The following AKAP6 variants were observed in gnomAD, a reference collection of about 807,000 sequenced individuals.
AKAP6 encodes the protein A-kinase anchoring protein 6.
Under a neutral mutation model 188.5 loss-of-function variants are expected in AKAP6, and 58 were observed. The observed-to-expected ratio is 0.31, with a 90% CI of 0.25 to 0.38. The LOEUF (loss-of-function observed/expected upper bound fraction) is 0.38. Ranked by LOEUF, AKAP6 falls within the 10% of genes least tolerant of loss-of-function variation. The pLI is 1.00. For missense variants in AKAP6, 2,710 were observed against 2,740.0 expected, an observed-to-expected ratio of 0.99 and a Z score of 0.24; for synonymous variants, 989 against 998.6, an observed-to-expected ratio of 0.99 and a Z score of 0.18.
Position 32,824,059 on chromosome 14 carries a change from T to A in AKAP6, c.6246T>A (p.Ala2082=). The A allele has an allele frequency of 6.2e-7, 1 of 1,613,938 alleles. No individual in the cohort carries two copies. The highest frequency in any genetic ancestry group is 8.5e-7 in the Non-Finnish European group (1 of 1,179,930). ...KSKSQPENEV[A]APTSLTQIKE... Reference sequence around the variant, plus strand: ...AATCTCAACCTGAAAACGAGGTGGCTGCTCCTACTTCATTAACTCAAATCA... The same window carrying A: ...AATCTCAACCTGAAAACGAGGTGGCAGCTCCTACTTCATTAACTCAAATCA... Residue 2082 remains alanine (A), a synonymous_variant, in exon 13 of 14, where the codon GCT becomes GCA. Transcript: ENST00000280979.
chr14:32,392,592 G>A (rs1193481395), intron 1 of AKAP6, among the ~76,000 whole-genome samples: 1 of 152,114 alleles, frequency 6.6e-6, no homozygotes, highest in African/African-American at 2.4e-5. Context: ...CAAATAAAGG[G>A]AACTTTAGCT....
intron 12 of AKAP6, among the ~76,000 whole-genome samples, chr14:32,811,617 TGATA>T (rs2034237421): frequency 6.6e-6 from 1 of 152,198 alleles, no homozygotes; most frequent in Non-Finnish European, 1.5e-5. Flanking sequence ...GTATGGGATC[TGATA>T]CTAACTCCAG....
intron 12 of AKAP6, among the ~76,000 whole-genome samples, chr14:32,793,244 G>A (rs535733216): frequency 6.6e-6 from 1 of 152,156 alleles, no homozygotes; most frequent in South Asian, 2.1e-4. Flanking sequence ...TGGATAAAGA[G>A]CCAAGACCCA....
intron 7 of AKAP6, among the ~76,000 whole-genome samples, chr14:32,605,386 T>G (rs972513877): frequency 6.6e-6 from 1 of 152,070 alleles, no homozygotes; most frequent in Non-Finnish European, 1.5e-5. Context: ...GTGTAAAAAC[T>G]GTGGTGTGGC....
chr14:32,565,051 T>G (rs574477452), intron 4 of AKAP6, among the ~76,000 whole-genome samples: 1 of 152,250 alleles, frequency 6.6e-6, no homozygotes, highest in South Asian at 2.1e-4. Flanking sequence ...GTGCATTGCA[T>G]TCTTGGGCCT....
At chr14:32,701,709 CTG>C (rs1419787580) in intron 9 of AKAP6, among the ~76,000 whole-genome samples, 3 of 152,072 alleles carry the variant, frequency 2.0e-5, no homozygotes, top group Admixed American at 2.0e-4. Context: ...CACACTATTC[CTG>C]TATTTCATAA....
chr14:32,699,444 A>G (rs1481746241), intron 9 of AKAP6, among the ~76,000 whole-genome samples: 1 of 152,240 alleles, frequency 6.6e-6, no homozygotes, highest in African/African-American at 2.4e-5. Context: ...GCAATGGGCT[A>G]TAAAGTGGAC....
At position 32,545,224 on chromosome 14, in the gene AKAP6, T is replaced by TG; in HGVS notation, c.577-6_577-5insG. 6.2e-7 allele frequency: 1 copy of TG among 1,609,986 alleles called. No homozygotes were observed. The highest frequency in any genetic ancestry group is 8.5e-7 in the Non-Finnish European group (1 of 1,176,970). On this transcript the variant is annotated splice_region_variant and splice_polypyrimidine_tract_variant and intron_variant, in intron 3 of 13. Coordinates refer to ENST00000280979, the MANE Select transcript of AKAP6 (RefSeq NM_004274.5). The stretch of plus-strand genomic sequence containing the variant: ...TTACTGAAACCATTGCCATTGTCTG[T>TG]TTCAGGGCCGGCTTGATTCTCTAAC...
At chr14:32,402,521 G>A (rs891918794) in intron 1 of AKAP6, among the ~76,000 whole-genome samples, 1 of 152,184 alleles carries the variant, frequency 6.6e-6, no homozygotes, top group Admixed American at 6.5e-5. Flanking sequence ...CTCTTTTGAA[G>A]CCTTGCCTGA....
intron 2 of AKAP6, chr14:32,442,562 A>G (rs1261892061): frequency 6.6e-6 from 1 of 151,976 alleles, no homozygotes. Flanking sequence ...CAAAACTCCC[A>G]TGCTGATCAG....
At chr14:32,563,398 G>A (rs1475223006) in intron 4 of AKAP6, among the ~76,000 whole-genome samples, 2 of 152,140 alleles carry the variant, frequency 1.3e-5, no homozygotes, top group African/African-American at 4.8e-5. Flanking sequence ...CTTAAAATGT[G>A]TAAAGAGCTC....
chr14:32,374,847 A>T (rs1951684), intron 1 of AKAP6, among the ~76,000 whole-genome samples: 141,096 of 152,278 alleles, frequency 0.93, 65,718 homozygotes, highest in East Asian at 1. Flanking sequence ...ACGTTTCAGT[A>T]CATTCCTCTC....
At position 32,643,152 on chromosome 14, in the gene AKAP6, G is replaced by A. The variant is rs985722312; in HGVS notation, c.2731-35159G>A. ...CTATTAATCATTGTGTTGTCCTAAT[G>A]GATGACTGAAATCTTCTAGCCCTGA... On this transcript the variant is annotated intron_variant, in intron 7 of 13. Coordinates refer to ENST00000280979, the MANE Select transcript of AKAP6 (RefSeq NM_004274.5). 2.0e-5 allele frequency among the ~76,000 whole-genome samples: 3 copies of A among 152,166 alleles called. No individual in the cohort carries two copies. The South Asian group carries it at 6.2e-4, about 32-fold the overall frequency.
intron 2 of AKAP6, among the ~76,000 whole-genome samples, chr14:32,476,571 T>A (rs1398337051): frequency 2.0e-5 from 3 of 152,252 alleles, no homozygotes; most frequent in Non-Finnish European, 4.4e-5. Context: ...GAATTTTATC[T>A]AGTCATATTT....
intron 12 of AKAP6, among the ~76,000 whole-genome samples, chr14:32,799,893 C>T (rs77967601): frequency 0.015 from 2,238 of 151,710 alleles, 50 homozygotes; most frequent in African/African-American, 0.046. Context: ...GATCTATCAC[C>T]TACCAAAAGA....
intron 8 of AKAP6, among the ~76,000 whole-genome samples, chr14:32,685,101 A>C (rs7493252): frequency 1.7e-5 from 2 of 120,990 alleles, no homozygotes; most frequent in Non-Finnish European, 3.3e-5. Context: ...CCAAACCTAC[A>C]AAAAATTTTT....
At chr14:32,585,263 A>G (rs1473672184) in intron 5 of AKAP6, among the ~76,000 whole-genome samples, 2 of 152,192 alleles carry the variant, frequency 1.3e-5, no homozygotes, top group African/African-American at 4.8e-5. Context: ...TATATTCAGT[A>G]AGAATAAGTG....
chr14:32,495,298 G>T (rs1428765824), intron 2 of AKAP6: 1 of 152,216 alleles, frequency 6.6e-6, no homozygotes, highest in African/African-American at 2.4e-5. Flanking sequence ...CCTGTTGGTT[G>T]GTGGTGGAGT....
At chr14:32,721,346 A>G (rs2030525109) in intron 9 of AKAP6, among the ~76,000 whole-genome samples, 1 of 152,194 alleles carries the variant, frequency 6.6e-6, no homozygotes, top group South Asian at 2.1e-4. Flanking sequence ...TTCGATATCT[A>G]CCGAAGAAAG....
Sources: allele counts gnomAD v4.1 joint callset (sites outside exome capture counted in the v4.1 genomes callset), GRCh38; gene constraint gnomAD v4.1.1; transcripts MANE v1.5; gene names NCBI Gene and HGNC (gene_info 2026-07-23, HGNC 2026-07-21).